COX7B2: variants seen among roughly 807,000 people sequenced by gnomAD.
COX7B2 encodes the protein cytochrome c oxidase subunit 7B2, also known as cytochrome c oxidase subunit 7B2, mitochondrial.
For synonymous variants in COX7B2, 37 were observed against 32.1 expected (o/e 1.15, Z -0.51); for missense variants, 109 against 95.9 (o/e 1.14, Z -0.57).
chr4:46,818,209 T>G (rs931102863), intron 2 of COX7B2, among the ~76,000 whole-genome samples: 3 of 152,184 alleles, frequency 2.0e-5, no homozygotes, highest in Admixed American at 1.3e-4. Flanking sequence ...CTTTATTGAA[T>G]CTCCTGTCTT....
intron 2 of COX7B2, among the ~76,000 whole-genome samples, chr4:46,768,519 C>T (rs1716685288): frequency 6.6e-6 from 1 of 152,086 alleles, no homozygotes; most frequent in Non-Finnish European, 1.5e-5. Flanking sequence ...ATGTGAAGTT[C>T]TAATTTAGGG....
At chr4:46,834,349 T>A (rs906544257) in intron 2 of COX7B2, among the ~76,000 whole-genome samples, 9 of 152,040 alleles carry the variant, frequency 5.9e-5, no homozygotes, top group African/African-American at 1.9e-4. Flanking sequence ...ACAAAAACAG[T>A]ATCTATCTCG....
intron 2 of COX7B2, among the ~76,000 whole-genome samples, chr4:46,759,534 AG>A (rs1716004384): frequency 6.6e-6 from 1 of 152,118 alleles, no homozygotes; most frequent in African/African-American, 2.4e-5. Context: ...AAGTGGGCAA[AG>A]GATATGAACA....
At chr4:46,855,088 G>A (rs974245454) in intron 1 of COX7B2, among the ~76,000 whole-genome samples, 3 of 152,122 alleles carry the variant, frequency 2.0e-5, no homozygotes, top group African/African-American at 7.2e-5. Flanking sequence ...AGCACTTTGG[G>A]AGGCTGAGGC....
At chr4:46,768,486 A>C (rs891010261) in intron 2 of COX7B2, among the ~76,000 whole-genome samples, 3 of 152,180 alleles carry the variant, frequency 2.0e-5, no homozygotes, top group Non-Finnish European at 4.4e-5. Context: ...GCCAAAAGGC[A>C]AAATTCTGGT....
intron 2 of COX7B2, among the ~76,000 whole-genome samples, chr4:46,804,978 C>G (rs1347855747): frequency 6.6e-6 from 1 of 152,202 alleles, no homozygotes; most frequent in Admixed American, 6.5e-5. Context: ...CCGAGCCCTG[C>G]CGCATGGGAG....
At chr4:46,831,478 T>C (rs193179659) in intron 2 of COX7B2, among the ~76,000 whole-genome samples, 193 of 152,270 alleles carry the variant, frequency 1.3e-3, no homozygotes, top group Non-Finnish European at 2.3e-3. Context: ...GTGGCCCCAG[T>C]GCGGGATCCA....
chr4:46,773,939 G>A (rs866287776), intron 2 of COX7B2, among the ~76,000 whole-genome samples: 1 of 152,006 alleles, frequency 6.6e-6, no homozygotes, highest in Non-Finnish European at 1.5e-5. Context: ...CTGGAAATAT[G>A]TGCCCTCCTA....
chr4:46,878,941 C>T (rs1245570283), intron 1 of COX7B2, among the ~76,000 whole-genome samples: 3 of 152,174 alleles, frequency 2.0e-5, no homozygotes, highest in Admixed American at 6.5e-5. Flanking sequence ...GACATGTGCT[C>T]AGCTAAGACT....
intron 1 of COX7B2, among the ~76,000 whole-genome samples, chr4:46,901,320 T>G (rs867856604): frequency 3.2e-4 from 48 of 152,194 alleles, no homozygotes; most frequent in African/African-American, 1.2e-3. Context: ...ACATTCTCAA[T>G]CAACAGATAT....
chr4:46,831,931 G>A (rs1242623009), intron 2 of COX7B2, among the ~76,000 whole-genome samples: 1 of 152,134 alleles, frequency 6.6e-6, no homozygotes, highest in South Asian at 2.1e-4. Context: ...ACACCAATCA[G>A]CACAGCTAAT....
At chr4:46,898,245 G>A (rs1316112349) in intron 1 of COX7B2, among the ~76,000 whole-genome samples, 1 of 151,956 alleles carries the variant, frequency 6.6e-6, no homozygotes, top group Non-Finnish European at 1.5e-5. Context: ...AAGCTATCTC[G>A]GAATTAATTC....
At chr4:46,804,242 C>G (rs752571991) in intron 2 of COX7B2, among the ~76,000 whole-genome samples, 1 of 152,028 alleles carries the variant, frequency 6.6e-6, no homozygotes, top group South Asian at 2.1e-4. Flanking sequence ...TAGTGCGGAC[C>G]CAAAGAGTGA....
At chr4:46,838,844 T>C (rs1321229872) in intron 2 of COX7B2, among the ~76,000 whole-genome samples, 1 of 151,940 alleles carries the variant, frequency 6.6e-6, no homozygotes, top group Non-Finnish European at 1.5e-5. Flanking sequence ...GGCCCAACCA[T>C]AGAAATTTTA....
chr4:46,756,583 A>T (rs529311345), intron 2 of COX7B2, among the ~76,000 whole-genome samples: 1 of 152,196 alleles, frequency 6.6e-6, no homozygotes, highest in South Asian at 2.1e-4. Context: ...ATCTACAAAG[A>T]ACTCAAGCAA....
At chr4:46,739,776 C>T (rs1379940413) in intron 2 of COX7B2, among the ~76,000 whole-genome samples, 1 of 151,932 alleles carries the variant, frequency 6.6e-6, no homozygotes, top group Non-Finnish European at 1.5e-5. Context: ...CTGGTGAGCT[C>T]GGTAACACTA....
At chr4:46,868,029 CTATT>C (rs1393595314) in intron 1 of COX7B2, among the ~76,000 whole-genome samples, 1 of 151,996 alleles carries the variant, frequency 6.6e-6, no homozygotes, top group East Asian at 1.9e-4. Flanking sequence ...GGTTGGTAGT[CTATT>C]TATTACTTAT....
chr4:46,775,957 T>C (rs1335052005), intron 2 of COX7B2, among the ~76,000 whole-genome samples: 2 of 152,150 alleles, frequency 1.3e-5, no homozygotes, highest in Non-Finnish European at 2.9e-5. Flanking sequence ...GAGATGCCAA[T>C]ACTTGGCAAT....
At chr4:46,865,138 T>C (rs1717588102) in intron 1 of COX7B2, among the ~76,000 whole-genome samples, 1 of 152,192 alleles carries the variant, frequency 6.6e-6, no homozygotes, top group Admixed American at 6.5e-5. Context: ...ATTATATTAA[T>C]ACCACTCTGT....
Sources: gnomAD v4.1 joint callset for allele counts (sites outside exome capture counted in the v4.1 genomes callset) on GRCh38, gnomAD v4.1.1 for gene constraint, MANE v1.5 for transcripts, NCBI Gene and HGNC (gene_info 2026-07-23, HGNC 2026-07-21) for gene names.